The following ELAC2 variants were observed in gnomAD, a reference collection of about 807,000 sequenced individuals.
ELAC2 encodes the protein elaC ribonuclease Z 2.
In ELAC2, 92 loss-of-function variants were observed where a neutral mutation model predicts 105.2. That is an observed-to-expected ratio of 0.87 (90% CI 0.74 to 1.04). ELAC2 has a LOEUF of 1.04. ELAC2 is among the 50% of genes least tolerant of loss of function. ELAC2 has a pLI of 0.00. For missense variants in ELAC2, 1,099 were observed against 1,071.7 expected (o/e 1.03, Z -0.36); for synonymous variants, 468 against 409.1 (o/e 1.14, Z -1.74).
Position 13,000,178 on chromosome 17 carries a change from C to G in ELAC2, c.1401G>C (p.Ala467=), listed in dbSNP as rs146858023. The change falls in exon 15 of 24, where the codon GCG becomes GCC. Residue 467 remains alanine (A), a synonymous_variant. Transcript: ENST00000338034. The part of the protein sequence containing the change: ...QQSVQEYRRS[A]QDGPAPAEKR... ...CACCTGCTGGGGCTGGGCCGTCCTG[C>G]GCACTCCTCCTGTACTCCTGCACGC... The G allele has an allele frequency of 6.2e-7, 1 of 1,613,798 alleles. No individual in the cohort carries two copies. The highest frequency in any genetic ancestry group is 1.1e-5 in the South Asian group (1 of 91,058).
chr17:13,017,462 C>G, intron 1 of ELAC2: 1 of 810,702 alleles, frequency 1.2e-6, no homozygotes. Flanking sequence ...GACAGCCAGG[C>G]CGGGGCCCAA....
intron 23 of ELAC2, 35 bp downstream of exon 23, chr17:12,993,652 G>A (rs779467008): frequency 2.7e-5 from 43 of 1,613,542 alleles, no homozygotes; most frequent in East Asian, 1.3e-4. Flanking sequence ...TCCCTGCCCC[G>A]TCCCCGCCCT....
Position 13,014,852 on chromosome 17 carries a change from A to G in ELAC2, c.433-356T>C, listed in dbSNP as rs559625041. On this transcript the variant is annotated intron_variant, in intron 4 of 23. Transcript: ENST00000338034. ...AGAAGAGGCAGTTCTGGAGTAAATG[A>G]CCCTCTAGCTGAGCCCTGAAGGTTC... is the stretch of plus-strand genomic sequence containing the variant. 5.9e-5 allele frequency among the ~76,000 whole-genome samples: 9 copies of G among 152,250 alleles called. No individual in the cohort carries two copies. The South Asian group carries it at 6.2e-4, about 11-fold the overall frequency.
chr17:13,013,144 A>C lies in ELAC2; in HGVS notation c.559+63T>G, dbSNP rs1477698581. 3.2e-6 allele frequency: 5 copies of C among 1,577,658 alleles called. No individual in the cohort carries two copies. The Admixed American group carries it at 8.4e-5, about 27-fold the overall frequency. On this transcript the variant is annotated intron_variant, in intron 6 of 23. Transcript: ENST00000338034. ...CAGCAAGTGTTCAGTTTCTATTTTC[A>C]TCCATGTTTTCTTTACTCAGGACGT... is the stretch of plus-strand genomic sequence containing the variant.
chr17:12,995,179 A>G, intron 19 of ELAC2, 117 bp from the exon 20 acceptor site: 1 of 1,085,508 alleles, frequency 9.2e-7, no homozygotes, highest in Non-Finnish European at 1.4e-6. Flanking sequence ...ACATGAGTTA[A>G]ATCATAGTCA....
chr17:12,999,711 C>T (rs56171297), intron 15 of ELAC2, among the ~76,000 whole-genome samples: 40,543 of 151,474 alleles, frequency 0.27, 5,653 homozygotes, highest in Middle Eastern at 0.32. Flanking sequence ...CAGGCTGGAG[C>T]GCAGTGGCAC....
At chr17:12,996,446 G>A in intron 17 of ELAC2, 101 bp downstream of exon 17, 1 of 1,572,780 alleles carries the variant, frequency 6.4e-7, no homozygotes, top group Non-Finnish European at 8.7e-7. Flanking sequence ...CAAAAGCTCT[G>A]GGCAAGTTTG....
chr17:12,996,129 C>T, intron 17 of ELAC2, 151 bp from the exon 18 acceptor site: 1 of 847,012 alleles, frequency 1.2e-6, no homozygotes. Context: ...ACAGGCCGAG[C>T]CCCCTGCGCC....
chr17:13,006,740 A>G (rs1280706748), intron 8 of ELAC2, among the ~76,000 whole-genome samples: 1 of 152,226 alleles, frequency 6.6e-6, no homozygotes, highest in Non-Finnish European at 1.5e-5. Flanking sequence ...GGCTAACAAA[A>G]GCATGGATGA....
chr17:12,993,165 G>T, intron 23 of ELAC2, 120 bp from the exon 24 acceptor site: 1 of 1,032,664 alleles, frequency 9.7e-7, no homozygotes, highest in Non-Finnish European at 1.5e-6. Flanking sequence ...CTTGGCACAA[G>T]CCAACAGGCC....
intron 16 of ELAC2, among the ~76,000 whole-genome samples, chr17:12,998,126 A>G (rs2040565951): frequency 6.6e-6 from 1 of 152,200 alleles, no homozygotes; most frequent in Non-Finnish European, 1.5e-5. Flanking sequence ...GGATTAATGT[A>G]AAAATTAAAG....
At chr17:12,995,510 G>A (rs891217926) in intron 19 of ELAC2, among the ~76,000 whole-genome samples, 193 bp downstream of exon 19, 2 of 152,240 alleles carry the variant, frequency 1.3e-5, no homozygotes, top group African/African-American at 2.4e-5. Flanking sequence ...AAGAAAATAA[G>A]CATTACATGG....
rs1033650758 is a variant in ELAC2 at position 12,991,909 on chromosome 17, G to C, written c.*909C>G. On this transcript the variant is annotated 3_prime_UTR_variant, in exon 24 of 24. Transcript: ENST00000338034. ...CCTTGGAAAATGCTCTCCATTTGTC[G>C]AGCACTAATCCACGTCTGTAAATCC... is the stretch of plus-strand genomic sequence containing the variant. Among the ~76,000 whole-genome samples, 3 of 151,534 alleles carry C rather than the reference G, an allele frequency of 2.0e-5. No individual in the cohort carries two copies. Among genetic ancestry groups the C allele is most frequent in the African/African-American group, 7.3e-5 (3 of 41,176 alleles).
chr17:13,014,412 G>A (rs1272985487), intron 5 of ELAC2, 27 bp downstream of exon 5: 4 of 1,579,536 alleles, frequency 2.5e-6, no homozygotes, highest in South Asian at 1.1e-5. Flanking sequence ...AGAAATAGCA[G>A]AGGATGAGTC....
At position 12,995,778 on chromosome 17, in the gene ELAC2, A is replaced by G. The variant is rs748013085; in HGVS notation, c.1733T>C (p.Val578Ala). 13 of 1,612,904 alleles carry G rather than the reference A, an allele frequency of 8.1e-6. No homozygotes were observed. The change falls in exon 19 of 24, where the codon GTG becomes GCG. Residue 578 changes from valine (V) to alanine (A), a missense_variant. Coordinates refer to ENST00000338034, the MANE Select transcript of ELAC2 (RefSeq NM_018127.7). The stretch of plus-strand genomic sequence containing the variant: ...GGCTTTGAGCTGGTTGGGGGCAACC[A>G]CCAGCAAAGGGTGAAGCGGCTTTCC... The part of the protein sequence containing the change: ...SLGKPLHPLL[V>A]VAPNQLKAWL...
chr17:13,006,108 C>T (rs968503488), intron 8 of ELAC2, 129 bp from the exon 9 acceptor site: 11 of 953,222 alleles, frequency 1.2e-5, no homozygotes, highest in East Asian at 2.6e-5. Flanking sequence ...CGGTGGCTCA[C>T]GCCTGTAATT....
chr17:12,995,279 G>A lies in ELAC2; in HGVS notation c.1809-217C>T, dbSNP rs537509710. ...AACCCAGCAGGTGAATGCTGCCTCC[G>A]GCTCAGGCAGCACGGGCCACGGATG... On this transcript the variant is annotated intron_variant, in intron 19 of 23. Transcript: ENST00000338034. Among the ~76,000 whole-genome samples the A allele has an allele frequency of 5.2e-4, 79 of 152,272 alleles. 1 individual carries two copies. The highest frequency in any genetic ancestry group is 1.8e-3 in the African/African-American group (75 of 41,564).
Position 13,005,985 on chromosome 17 carries a change from A to C in ELAC2, c.739-6T>G. The C allele has an allele frequency of 6.2e-7, 1 of 1,614,018 alleles. No individual in the cohort carries two copies. Among genetic ancestry groups the C allele is most frequent in the Non-Finnish European group, 8.5e-7 (1 of 1,179,842 alleles). ...TTTCCTCTCTTTAAGTGAAGCTGCAACAAAGAGAACATAGATGTGATCTTA... is the reference window on the plus strand; with the variant it reads ...TTTCCTCTCTTTAAGTGAAGCTGCACCAAAGAGAACATAGATGTGATCTTA... On this transcript the variant is annotated splice_polypyrimidine_tract_variant and splice_region_variant and intron_variant, in intron 8 of 23. Transcript: ENST00000338034.
chr17:13,013,413 T>A, intron 5 of ELAC2, 138 bp from the exon 6 acceptor site: 1 of 895,326 alleles, frequency 1.1e-6, no homozygotes, highest in Non-Finnish European at 1.8e-6. Context: ...CCAGACTTTC[T>A]AAGGAGATTA....
Sources: gnomAD v4.1 joint callset for allele counts (sites outside exome capture counted in the v4.1 genomes callset) on GRCh38, gnomAD v4.1.1 for gene constraint, MANE v1.5 for transcripts, NCBI Gene and HGNC (gene_info 2026-07-23, HGNC 2026-07-21) for gene names.